The following SVEP1 variants were observed in gnomAD, a reference collection of about 807,000 sequenced individuals.
SVEP1 encodes sushi, von Willebrand factor type A, EGF and pentraxin domain-containing protein 1.
Under a neutral mutation model 367.3 loss-of-function variants are expected in SVEP1, and 164 were observed. That is an observed-to-expected ratio of 0.45 (90% CI 0.39 to 0.51). The LOEUF is 0.51. SVEP1 is among the 20% of genes least tolerant of loss of function. The pLI is 0.00. For synonymous variants in SVEP1, 1,666 were observed against 1,611.6 expected (o/e 1.03, Z -0.81); for missense variants, 4,117 against 4,425.3 (o/e 0.93, Z 1.98).
intron 3 of SVEP1, among the ~76,000 whole-genome samples, chr9:110,520,091 T>G (rs986328913): frequency 1.3e-5 from 2 of 152,172 alleles, no homozygotes; most frequent in Non-Finnish European, 2.9e-5. Flanking sequence ...TCCAAAATCT[T>G]TTAAATAATC....
At chr9:110,481,758 G>T (rs1444981870) in intron 11 of SVEP1, among the ~76,000 whole-genome samples, 1 of 152,014 alleles carries the variant, frequency 6.6e-6, no homozygotes, top group African/African-American at 2.4e-5. Context: ...TGTCACCCAG[G>T]CTCGAATGCA....
At chr9:110,567,493 T>A (rs1300088464) in intron 1 of SVEP1, among the ~76,000 whole-genome samples, 1 of 152,176 alleles carries the variant, frequency 6.6e-6, no homozygotes, top group East Asian at 1.9e-4. Flanking sequence ...AGAGAAAAAG[T>A]GAAAGGAAAT....
At chr9:110,575,634 T>C (rs897836228) in intron 1 of SVEP1, among the ~76,000 whole-genome samples, 13 of 150,974 alleles carry the variant, frequency 8.6e-5, no homozygotes, top group Non-Finnish European at 1.6e-4. Context: ...ACAGTACAAA[T>C]GAAAAAAAAA....
chr9:110,506,685 T>C lies in SVEP1; in HGVS notation c.1304-3468A>G, dbSNP rs189217639. On this transcript the variant is annotated intron_variant, in intron 5 of 47. Transcript: ENST00000374469. ...CCTCTTGAAAGAGTTTATAATCTTGTCCTACACTTCTTGTCCTCTAGTTCT... is the reference window on the plus strand; with the variant it reads ...CCTCTTGAAAGAGTTTATAATCTTGCCCTACACTTCTTGTCCTCTAGTTCT... Among the ~76,000 whole-genome samples, 35 of 152,280 alleles carry C rather than the reference T, an allele frequency of 2.3e-4. No homozygotes were observed. The East Asian group carries it at 6.2e-3, about 27-fold the overall frequency.
chr9:110,566,864 T>C (rs957272539), intron 1 of SVEP1, among the ~76,000 whole-genome samples: 1 of 152,150 alleles, frequency 6.6e-6, no homozygotes, highest in South Asian at 2.1e-4. Context: ...TCTCCAGAGG[T>C]GCTGTAAAGT....
At chr9:110,378,567 T>C (rs1827386711) in intron 44 of SVEP1, among the ~76,000 whole-genome samples, 1 of 152,166 alleles carries the variant, frequency 6.6e-6, no homozygotes, top group African/African-American at 2.4e-5. Context: ...ACTCTGATGG[T>C]AGTTTCTTTT....
intron 8 of SVEP1, among the ~76,000 whole-genome samples, chr9:110,494,249 G>A (rs1045984770): frequency 1.3e-5 from 2 of 152,190 alleles, no homozygotes; most frequent in Non-Finnish European, 2.9e-5. Flanking sequence ...ACCCTAGAGA[G>A]GCCAGAGACA....
chr9:110,384,140 T>C (rs1046738661), intron 43 of SVEP1, among the ~76,000 whole-genome samples: 1 of 152,178 alleles, frequency 6.6e-6, no homozygotes, highest in African/African-American at 2.4e-5. Flanking sequence ...GCTCTGTGCT[T>C]GGGACCTAAG....
rs1040202482 is a variant in SVEP1 at position 110,453,531 on chromosome 9, T to C, written c.3787+2059A>G. Among the ~76,000 whole-genome samples, 20 of 152,250 alleles carry C rather than the reference T, an allele frequency of 1.3e-4. No individual in the cohort carries two copies. The South Asian group carries it at 3.9e-3, about 30-fold the overall frequency. On this transcript the variant is annotated intron_variant, in intron 22 of 47. Transcript: ENST00000374469. ...AAAGTATATAAGTGATCCATGTTTT[T>C]CTATAACTTGCCAGCATGTGTTATT...
chr9:110,458,985 A>G lies in SVEP1; in HGVS notation c.3451T>C (p.Phe1151Leu). 5 of 1,613,682 alleles carry G rather than the reference A, an allele frequency of 3.1e-6. No individual in the cohort carries two copies. In the South Asian group the frequency reaches 5.5e-5, roughly 18 times the overall value. ...LACPFYGTTP[F>L]AGSRSITECS... The stretch of plus-strand genomic sequence containing the variant: ...TCTGTGATGGATCTGGAACCAGCGA[A>G]TGGGGTAGTTCCATAAAAGGGACAG... The change falls in exon 19 of 48, where the codon TTC becomes CTC. Residue 1151 changes from phenylalanine to leucine, a missense_variant. Around this residue, in one of 4 missense-constraint regions of SVEP1, gnomAD observed 2,174 missense variants for 2,494.3 expected, o/e 0.87. Transcript: ENST00000374469.
rs1829188390 is a variant in SVEP1, at chr9:110,481,564, A to G, written c.2171-128T>C. ...CGCTATTTCTAGAAAAGCTTTTACC[A>G]TATGTCTTTAGTGCAGGAGAAGGAC... On this transcript the variant is annotated intron_variant, in intron 11 of 47. Coordinates refer to ENST00000374469, the MANE Select transcript of SVEP1 (RefSeq NM_153366.4). 6 of 608,758 alleles carry G rather than the reference A, an allele frequency of 9.9e-6. No individual in the cohort carries two copies. The South Asian group carries it at 2.3e-4, about 24-fold the overall frequency. The allele number at this position is 608,758 out of a possible 1,614,324, so 37.7% of individuals were successfully genotyped here.
Position 110,375,412 on chromosome 9 carries a change from T to C in SVEP1, c.10556A>G (p.Gln3519Arg). Residue 3519 changes from glutamine to arginine, a missense_variant, in exon 46 of 48, where the codon CAG becomes CGG. Transcript: ENST00000374469. ...CGTCCAGCCAGGCGGGCAGTCACAC[T>C]GGTAAGGGGCCACACAGCGACCTCC... The part of the protein sequence containing the change: ...LNGGRCVAPY[Q>R]CDCPPGWTGS... 1 of 1,496,648 alleles carries C rather than the reference T, an allele frequency of 6.7e-7. No individual in the cohort carries two copies. 92.7% of individuals were successfully genotyped at this position (1,496,648 alleles called of 1,614,324 possible).
intron 17 of SVEP1, among the ~76,000 whole-genome samples, chr9:110,466,641 G>A (rs1828941586): frequency 6.7e-6 from 1 of 148,412 alleles, no homozygotes; most frequent in Non-Finnish European, 1.5e-5. Flanking sequence ...GGCGCCTGTA[G>A]TCCCAGCTAC....
Position 110,528,569 on chromosome 9 carries a change from C to A in SVEP1, c.965-14463G>T, listed in dbSNP as rs967830506. Among the ~76,000 whole-genome samples the A allele has an allele frequency of 1.4e-4, 22 of 152,020 alleles. 1 individual carries two copies. Among genetic ancestry groups the A allele is most frequent in the Non-Finnish European group, 1.6e-4 (11 of 67,908 alleles). Reference sequence around the variant, plus strand: ...TTCCTTGATAATTAGTGATTTTGAGCATTTTTCATATGTTTGTTGGCCATT... The same window carrying A: ...TTCCTTGATAATTAGTGATTTTGAGAATTTTTCATATGTTTGTTGGCCATT... On this transcript the variant is annotated intron_variant, in intron 3 of 47. Transcript: ENST00000374469.
intron 3 of SVEP1, among the ~76,000 whole-genome samples, chr9:110,534,119 T>A (rs4300065): frequency 0.69 from 104,621 of 151,950 alleles, 36,884 homozygotes; most frequent in Middle Eastern, 0.78. Context: ...GGTTATTTCA[T>A]CACCCAGGTA....
intron 13 of SVEP1, 63 bp downstream of exon 13, chr9:110,479,572 G>A: frequency 6.6e-7 from 1 of 1,506,066 alleles, no homozygotes; most frequent in South Asian, 1.4e-5. Context: ...AGTTGTAAAT[G>A]ACTCAGAAAG....
Position 110,406,174 on chromosome 9 carries a change from A to T in SVEP1, c.9426T>A (p.Ser3142Arg). Residue 3142 changes from serine to arginine, a missense_variant, in exon 38 of 48, where the codon AGT becomes AGA. Physicochemically the swap from Ser to Arg is moderately radical, Grantham distance 110. Around this residue, in one of 4 missense-constraint regions of SVEP1, gnomAD observed 1,765 missense variants for 1,781.1 expected, o/e 0.99. Transcript: ENST00000374469. The part of the protein sequence containing the change: ...VATGEAHTYE[S>R]EVKLRCLEGY... ...CATGATCTTACCTGAGTTTCACTTC[A>T]CTTTCATAGGTGTGTGCCTCTCCAG... The T allele has an allele frequency of 6.4e-7, 1 of 1,566,862 alleles. No individual in the cohort carries two copies. The highest frequency in any genetic ancestry group is 8.6e-7 in the Non-Finnish European group (1 of 1,157,356).
intron 23 of SVEP1, among the ~76,000 whole-genome samples, chr9:110,450,467 G>GTTTTTTTTTTTTTTTTTT (rs10656079): frequency 9.8e-6 from 1 of 102,106 alleles, no homozygotes; most frequent in African/African-American, 3.7e-5. Flanking sequence ...TTGATAATCT[G>GTTTTTTTTTTTTTTTTTT]TTTTTTTTTT....
At chr9:110,428,455 C>T (rs1179299067) in intron 35 of SVEP1, among the ~76,000 whole-genome samples, 1 of 149,076 alleles carries the variant, frequency 6.7e-6, no homozygotes, top group Non-Finnish European at 1.5e-5. Context: ...GTGTTAAGAA[C>T]CTAGCCCCTT....
Sources: allele counts gnomAD v4.1 joint callset (sites outside exome capture counted in the v4.1 genomes callset), GRCh38; gene constraint gnomAD v4.1.1; regional missense constraint gnomAD v4.1.1; transcripts MANE v1.5; gene names NCBI Gene and HGNC (gene_info 2026-07-23, HGNC 2026-07-21).